Variants in ITPR3 observed in about 807,000 individuals in gnomAD.
ITPR3 encodes the protein inositol 1,4,5-trisphosphate-gated calcium channel ITPR3.
Under a neutral mutation model 293.2 loss-of-function variants are expected in ITPR3, and 173 were observed. That is an observed-to-expected ratio of 0.59 (90% CI 0.52 to 0.67). The LOEUF (loss-of-function observed/expected upper bound fraction) is 0.67, where lower values mean the gene tolerates loss of function less well. Among genes scored for constraint, ITPR3 ranks in the 30% least tolerant of loss-of-function variants. ITPR3 has a pLI of 0.00. For missense variants in ITPR3, 2,796 were observed against 3,592.1 expected (o/e 0.78, Z 5.66); for synonymous variants, 1,295 against 1,444.4 (o/e 0.90, Z 2.35).
At chr6:33,636,279 G>A (rs575998957) in intron 1 of ITPR3, among the ~76,000 whole-genome samples, 2 of 152,028 alleles carry the variant, frequency 1.3e-5, no homozygotes, top group Non-Finnish European at 2.9e-5. Flanking sequence ...TCCAGCCCGG[G>A]TGACAGAGTA....
intron 2 of ITPR3, among the ~76,000 whole-genome samples, chr6:33,641,315 G>A (rs985697268): frequency 1.3e-5 from 2 of 152,202 alleles, no homozygotes; most frequent in Non-Finnish European, 2.9e-5. Context: ...GGTGGGAGCA[G>A]GCAGCAACAC....
intron 43 of ITPR3, 140 bp downstream of exon 43, chr6:33,686,659 C>T (rs1330273417): frequency 2.8e-6 from 2 of 712,158 alleles, no homozygotes; most frequent in East Asian, 2.7e-5. Flanking sequence ...TCTGGATGCA[C>T]AAGTGTGTGG....
intron 2 of ITPR3, among the ~76,000 whole-genome samples, chr6:33,645,332 TCAAA>T (rs200511083): frequency 0.013 from 1,911 of 152,270 alleles, 18 homozygotes; most frequent in Middle Eastern, 0.031. Context: ...AGACGCTGTC[TCAAA>T]CAAACAAACA....
chr6:33,675,785 G>T lies in ITPR3; in HGVS notation c.3211G>T (p.Val1071Phe), dbSNP rs150416587. 555 of 1,610,316 alleles carry T rather than the reference G, an allele frequency of 3.4e-4. No individual in the cohort carries two copies. The highest frequency in any genetic ancestry group is 4.4e-4 in the Non-Finnish European group (523 of 1,178,604). ...CACCATGCACGACTATGCGCCGCTG[G>T]TCTCGGGTGCCCTGCAGCTGCTCTT... Reference protein sequence around the residue: ...HLTMHDYAPLVSGALQLLFKH... With the variant: ...HLTMHDYAPLFSGALQLLFKH... The change falls in exon 25 of 58, where the codon GTC (valine) becomes TTC (phenylalanine). Residue 1071 changes from valine to phenylalanine, a missense_variant. Physicochemically the swap from Val to Phe is conservative, Grantham distance 50 (BLOSUM62 -1). Around this residue, in one of 8 missense-constraint regions of ITPR3, gnomAD observed 955 missense variants for 1,180.8 expected, o/e 0.81. Transcript: ENST00000605930. The surrounding 1 kb of genome is among the most constrained non-coding windows in gnomAD (Gnocchi z 5.0).
At chr6:33,669,228 C>A in intron 18 of ITPR3, 72 bp downstream of exon 18, 2 of 1,491,928 alleles carry the variant, frequency 1.3e-6, no homozygotes, top group Non-Finnish European at 1.8e-6. Flanking sequence ...TCAGTCAATC[C>A]CTGCTGAGGA....
In ITPR3 at chr6:33,638,977, C is replaced by T. The variant is rs1327424453; in HGVS notation, c.90-1507C>T. On this transcript the variant is annotated intron_variant, in intron 1 of 57. Coordinates refer to ENST00000605930, the MANE Select transcript of ITPR3 (RefSeq NM_002224.4). This position sits in a 1 kb window ranked among gnomAD's most constrained non-coding sequence, Gnocchi z 4.3. ...AGGCACTGCAGGCTGCCAGGACTGC[C>T]TCTGGAGAGATGAGAGCTCCAGGGA... Among the ~76,000 whole-genome samples the T allele has an allele frequency of 1.3e-5, 2 of 152,224 alleles. No individual in the cohort carries two copies. The highest frequency in any genetic ancestry group is 2.9e-5 in the Non-Finnish European group (2 of 68,048).
At chr6:33,673,964 G>A (rs1027328559) in intron 23 of ITPR3, among the ~76,000 whole-genome samples, 3 of 152,240 alleles carry the variant, frequency 2.0e-5, no homozygotes, top group Non-Finnish European at 4.4e-5. Flanking sequence ...GCCAGTCAGA[G>A]GCTGAGCCAG....
At chr6:33,663,058 G>T in intron 9 of ITPR3, 52 bp downstream of exon 9, 4 of 1,488,072 alleles carry the variant, frequency 2.7e-6, no homozygotes, top group South Asian at 1.2e-5. Context: ...TGTACACGTG[G>T]GTGTGCGGGA....
Position 33,693,544 on chromosome 6 carries a change from G to A in ITPR3, c.7625-1G>A. 1.9e-6 allele frequency: 3 copies of A among 1,613,940 alleles called. No homozygotes were observed. The highest frequency in any genetic ancestry group is 8.5e-7 in the Non-Finnish European group (1 of 1,179,914). On this transcript the variant is annotated splice_acceptor_variant, in intron 55 of 57. Coordinates refer to ENST00000605930, the MANE Select transcript of ITPR3 (RefSeq NM_002224.4). LOFTEE classifies it high-confidence loss of function. ...TTCATTCCCGCCCTCTGCACCCTCA[G>A]GTCTGGAGAGGGACAAGTTTGATAA...
Position 33,685,677 on chromosome 6 carries a change from A to G in ITPR3, c.5517A>G (p.Ser1839=), listed in dbSNP as rs1050619193. The part of the protein sequence containing the change: ...RVASFSIPGS[S]SRYSLGPSLR... Reference sequence around the variant, plus strand: ...CCTCCTTCTCGATACCTGGCTCCTCATCCCGCTACTCGCTGGGCCCCAGCC... The same window carrying G: ...CCTCCTTCTCGATACCTGGCTCCTCGTCCCGCTACTCGCTGGGCCCCAGCC... Residue 1839 remains serine (S), a synonymous_variant, in exon 41 of 58, where the codon TCA becomes TCG. Transcript: ENST00000605930. 1.3e-6 allele frequency: 2 copies of G among 1,596,176 alleles called. No individual in the cohort carries two copies. The highest frequency in any genetic ancestry group is 2.2e-5 in the East Asian group (1 of 44,598).
chr6:33,666,084 C>A lies in ITPR3; in HGVS notation c.1551+108C>A. ...TTAACAAAAATCAGTATATATGGGG[C>A]ACGACCACGTGCCAGGGACTTCCCT... is the stretch of plus-strand genomic sequence containing the variant. On this transcript the variant is annotated intron_variant, in intron 14 of 57. Coordinates refer to ENST00000605930, the MANE Select transcript of ITPR3 (RefSeq NM_002224.4). The surrounding 1 kb of genome is among the most constrained non-coding windows in gnomAD (Gnocchi z 5.1). 7.6e-7 allele frequency: 1 copy of A among 1,319,416 alleles called. No homozygotes were observed. The highest frequency in any genetic ancestry group is 1.0e-6 in the Non-Finnish European group (1 of 972,610). 81.7% of individuals were successfully genotyped at this position (1,319,416 alleles called of 1,614,324 possible). A position where few individuals can be genotyped will look rare whatever the true frequency, so the allele number is the denominator to read the frequency against.
At chr6:33,644,194 G>A (rs1006494868) in intron 2 of ITPR3, among the ~76,000 whole-genome samples, 1 of 151,032 alleles carries the variant, frequency 6.6e-6, no homozygotes, top group African/African-American at 2.4e-5. Context: ...TGTCTCAGGG[G>A]AAAAAAAGAA....
intron 1 of ITPR3, among the ~76,000 whole-genome samples, chr6:33,629,535 C>T (rs1022341767): frequency 6.6e-6 from 1 of 151,104 alleles, no homozygotes; most frequent in Non-Finnish European, 1.5e-5. Flanking sequence ...GGCTAGAGTG[C>T]AATGGTGCAA....
chr6:33,659,984 C>G (rs1347165421), intron 7 of ITPR3, among the ~76,000 whole-genome samples: 2 of 152,164 alleles, frequency 1.3e-5, no homozygotes, highest in Non-Finnish European at 2.9e-5. Flanking sequence ...CGCCTGTCTC[C>G]TTCCTGGTCC....
At position 33,669,058 on chromosome 6, in the gene ITPR3, T is replaced by G; in HGVS notation, c.2091T>G (p.Thr697=). The change falls in exon 18 of 58, where the codon ACT becomes ACG. Residue 697 remains threonine, a synonymous_variant. Transcript: ENST00000605930. ...YSEEEVWLTW[T]DKNNEHHEKS... is the part of the protein sequence containing the mutation. ...AAGAGGAAGTGTGGCTCACGTGGAC[T>G]GACAAGAATAACGAGCATCATGAGA... The G allele has an allele frequency of 6.2e-7, 1 of 1,614,148 alleles. No homozygotes were observed. Among genetic ancestry groups the G allele is most frequent in the Non-Finnish European group, 8.5e-7 (1 of 1,180,018 alleles).
Position 33,664,818 on chromosome 6 carries a change from G to A in ITPR3, c.1149-52G>A. On this transcript the variant is annotated intron_variant, in intron 11 of 57. Coordinates refer to ENST00000605930, the MANE Select transcript of ITPR3 (RefSeq NM_002224.4). This position sits in a 1 kb window ranked among gnomAD's most constrained non-coding sequence, Gnocchi z 4.4. ...GGGGAGGTAGGCCGGCAGGCAGCAT[G>A]ACGTGCTCTGTGGTGCACTCCCCGA... The A allele has an allele frequency of 6.6e-7, 1 of 1,515,650 alleles. No homozygotes were observed. Among genetic ancestry groups the A allele is most frequent in the Admixed American group, 1.7e-5 (1 of 58,582 alleles). The allele number at this position is 1,515,650 out of a possible 1,614,324, so 93.9% of individuals were successfully genotyped here.
Position 33,684,392 on chromosome 6 carries a change from A to G in ITPR3, c.4973A>G (p.Glu1658Gly), listed in dbSNP as rs765220967. Residue 1658 changes from glutamate to glycine, a missense_variant, in exon 37 of 58, where the codon GAG (glutamate) becomes GGG (glycine). By Grantham distance (98) the Glu-to-Gly change is moderately conservative. Coordinates refer to ENST00000605930, the MANE Select transcript of ITPR3 (RefSeq NM_002224.4). This position sits in a 1 kb window ranked among gnomAD's most constrained non-coding sequence, Gnocchi z 4.2. ...CACACCAAGGACCTCATGGAGTCGGAGGAGAAGCTGTGCATCAAGGTGCTG... is the reference window on the plus strand; with the variant it reads ...CACACCAAGGACCTCATGGAGTCGGGGGAGAAGCTGTGCATCAAGGTGCTG... ...IQHTKDLMESEEKLCIKVLRT... is the reference protein window; with the variant it reads ...IQHTKDLMESGEKLCIKVLRT... 7 of 1,614,042 alleles carry G rather than the reference A, an allele frequency of 4.3e-6. 1 individual carries two copies. In the South Asian group the frequency reaches 7.7e-5, roughly 18 times the overall value.
rs982823690 is a variant in ITPR3, at chr6:33,671,205, A to G, written c.2627A>G (p.Tyr876Cys). 4.3e-6 allele frequency: 7 copies of G among 1,613,312 alleles called. No homozygotes were observed. Among genetic ancestry groups the G allele is most frequent in the Non-Finnish European group, 5.1e-6 (6 of 1,179,902 alleles). Reference sequence around the variant, plus strand: ...CACAATCTCATCTACTTCGGCTTCTACAGCTTCAGCGAGCTGCTGCGGCTC... The same window carrying G: ...CACAATCTCATCTACTTCGGCTTCTGCAGCTTCAGCGAGCTGCTGCGGCTC... Reference protein sequence around the residue: ...LAHNLIYFGFYSFSELLRLTR... With the variant: ...LAHNLIYFGFCSFSELLRLTR... Residue 876 changes from tyrosine (Y) to cysteine (C), a missense_variant, in exon 21 of 58, where the codon TAC becomes TGC. Tyr to Cys is a radical substitution (Grantham distance 194). Transcript: ENST00000605930.
At position 33,686,250 on chromosome 6, in the gene ITPR3, C is replaced by A. The variant is rs1182613738; in HGVS notation, c.5865C>A (p.Asn1955Lys). The A allele has an allele frequency of 6.2e-7, 1 of 1,613,520 alleles. No homozygotes were observed. The highest frequency in any genetic ancestry group is 1.1e-5 in the South Asian group (1 of 90,994). The change falls in exon 42 of 58, where the codon AAC (asparagine) becomes AAA (lysine). Residue 1955 changes from asparagine (N) to lysine (K), a missense_variant. Coordinates refer to ENST00000605930, the MANE Select transcript of ITPR3 (RefSeq NM_002224.4). The part of the protein sequence containing the change: ...TEYCQGPCHE[N>K]QTCIVTHESN... ...ACTGCCAGGGCCCCTGCCATGAGAA[C>A]CAGGTGAGCTGTCCTGGTGGCATAA...
Sources: allele counts gnomAD v4.1 joint callset (sites outside exome capture counted in the v4.1 genomes callset), GRCh38; gene constraint gnomAD v4.1.1; regional missense constraint gnomAD v4.1.1; non-coding constraint Gnocchi (gnomAD v3.1); transcripts MANE v1.5; gene names NCBI Gene and HGNC (gene_info 2026-07-23, HGNC 2026-07-21).